GLIS3: variants seen among roughly 807,000 people sequenced by gnomAD.
The protein encoded by GLIS3 is GLIS family zinc finger 3.
GLIS3 carries 53 observed loss-of-function variants against 78.6 expected under a neutral mutation model. That is an observed-to-expected ratio of 0.67 (90% CI 0.54 to 0.85). GLIS3 has a LOEUF of 0.85. Among genes scored for constraint, GLIS3 ranks in the 40% least tolerant of loss-of-function variants. The pLI, the probability that GLIS3 is intolerant of heterozygous loss-of-function variation, is 0.00. For synonymous variants in GLIS3, 684 were observed against 509.9 expected, an observed-to-expected ratio of 1.34 and a Z score of -4.60; for missense variants, 1,703 against 1,231.1, an observed-to-expected ratio of 1.38 and a Z score of -5.74.
At chr9:4,367,405 C>G in the GLIS3 span, among the ~76,000 whole-genome samples, 1 of 152,070 alleles carries the variant, frequency 6.6e-6, no homozygotes, top group African/African-American at 2.4e-5. Context: ...CATCACCTTC[C>G]GGAGGCCTTC....
At position 3,932,294 on chromosome 9, in the gene GLIS3, C is replaced by T. The variant is rs112951530; in HGVS notation, c.1983+66G>A. The stretch of plus-strand genomic sequence containing the variant: ...AAGAATTTCAAGTGCCCTGCAGAAG[C>T]TTCGTGTACTACAAGAATAATCTGA... On this transcript the variant is annotated intron_variant, in intron 6 of 10. Coordinates refer to ENST00000381971, the MANE Select transcript of GLIS3 (RefSeq NM_001042413.2). The T allele has an allele frequency of 9.6e-6, 12 of 1,246,676 alleles. 1 individual carries two copies. Among genetic ancestry groups the T allele is most frequent in the African/African-American group, 3.0e-5 (2 of 67,630 alleles). The allele number at this position is 1,246,676 out of a possible 1,614,324, so 77.2% of individuals were successfully genotyped here.
chr9:4,178,923 G>C (rs1455558659), intron 2 of GLIS3, among the ~76,000 whole-genome samples: 1 of 152,104 alleles, frequency 6.6e-6, no homozygotes, highest in African/African-American at 2.4e-5. Context: ...TATTATTTGG[G>C]TTTTATTTTA....
intron 8 of GLIS3, among the ~76,000 whole-genome samples, chr9:3,873,775 C>A (rs1356220662): frequency 6.6e-6 from 1 of 152,116 alleles, no homozygotes; most frequent in Non-Finnish European, 1.5e-5. Context: ...TCTAGCAATG[C>A]TATATCTGAA....
At chr9:4,381,455 G>A in the GLIS3 span, among the ~76,000 whole-genome samples, 6,462 of 152,152 alleles carry the variant, frequency 0.042, 445 homozygotes, top group African/African-American at 0.14. Context: ...CCAACCGGAC[G>A]GACAAATGGA....
intron 2 of GLIS3, among the ~76,000 whole-genome samples, chr9:4,278,941 T>C (rs372884407): frequency 6.6e-6 from 1 of 152,118 alleles, no homozygotes; most frequent in African/African-American, 2.4e-5. Context: ...TTAACCTGAA[T>C]CCAATCATGA....
At position 4,124,292 on chromosome 9, in the gene GLIS3, G is replaced by A. The variant is rs545670904; in HGVS notation, c.596+1442C>T. ...TTGTCTTTTAAGGTTATAAAATTAT[G>A]CTAAGGAATCAAATATGCCAGAAAA... On this transcript the variant is annotated intron_variant, in intron 3 of 10. Transcript: ENST00000381971. Among the ~76,000 whole-genome samples, 5 of 152,282 alleles carry A rather than the reference G, an allele frequency of 3.3e-5. No homozygotes were observed. In the East Asian group the frequency reaches 7.7e-4, roughly 23 times the overall value.
At chr9:3,883,110 CTG>C (rs1183863792) in intron 7 of GLIS3, among the ~76,000 whole-genome samples, 1 of 152,212 alleles carries the variant, frequency 6.6e-6, no homozygotes, top group Non-Finnish European at 1.5e-5. Context: ...GGACAACACT[CTG>C]GAGTCAGAGA....
At chr9:3,928,860 G>C (rs1362575874) in intron 6 of GLIS3, among the ~76,000 whole-genome samples, 2 of 152,176 alleles carry the variant, frequency 1.3e-5, no homozygotes, top group Non-Finnish European at 2.9e-5. Context: ...TGAAATGGAT[G>C]AAAGATTCAT....
chr9:4,071,247 TG>T (rs1246541518), intron 4 of GLIS3: 3 of 152,190 alleles, frequency 2.0e-5, no homozygotes, highest in Non-Finnish European at 4.4e-5. Context: ...ATAACTGTTA[TG>T]TAACCATTGG....
chr9:4,343,668 G>A (rs984692640), intron 2 of GLIS3, among the ~76,000 whole-genome samples: 4 of 152,248 alleles, frequency 2.6e-5, no homozygotes, highest in African/African-American at 9.6e-5. Context: ...CAACCTAAAT[G>A]CCCACCAACG....
chr9:4,154,253 C>T (rs571349087), intron 2 of GLIS3, among the ~76,000 whole-genome samples: 16 of 152,138 alleles, frequency 1.1e-4, no homozygotes, highest in Non-Finnish European at 1.8e-4. Flanking sequence ...GAAATAGACT[C>T]CATCTCTTGA....
At chr9:3,839,942 C>T (rs1476505726) in intron 9 of GLIS3, among the ~76,000 whole-genome samples, 1 of 152,188 alleles carries the variant, frequency 6.6e-6, no homozygotes, top group East Asian at 1.9e-4. Flanking sequence ...AGAAATTTCT[C>T]ATGGCCAATT....
At chr9:4,217,108 G>T (rs932728868) in intron 2 of GLIS3, among the ~76,000 whole-genome samples, 2 of 152,094 alleles carry the variant, frequency 1.3e-5, no homozygotes, top group African/African-American at 4.8e-5. Flanking sequence ...CCATGCCCAA[G>T]GAACAATTAA....
chr9:3,914,314 T>G (rs1316286930), intron 6 of GLIS3, among the ~76,000 whole-genome samples: 2 of 124,182 alleles, frequency 1.6e-5, no homozygotes, highest in Admixed American at 2.0e-4. Context: ...TCTGGCTAAG[T>G]TTTTTCAGAT....
chr9:4,351,184 A>T (rs1002123488), upstream of GLIS3, among the ~76,000 whole-genome samples: 3 of 152,178 alleles, frequency 2.0e-5, no homozygotes, highest in African/African-American at 7.2e-5. Flanking sequence ...TGGAGGTTGC[A>T]GTGAGCCAAG....
chr9:3,896,625 C>T (rs1588171891), intron 7 of GLIS3, among the ~76,000 whole-genome samples: 1 of 120,170 alleles, frequency 8.3e-6, no homozygotes, highest in Non-Finnish European at 1.6e-5. Context: ...GAGATGGTGC[C>T]ACTGCAGTCC....
chr9:4,367,209 T>C, the GLIS3 span, among the ~76,000 whole-genome samples: 8 of 152,236 alleles, frequency 5.3e-5, no homozygotes, highest in African/African-American at 1.9e-4. Context: ...GCATATACCC[T>C]GCCCACTCTC....
the GLIS3 span, among the ~76,000 whole-genome samples, chr9:4,386,007 T>C: frequency 2.0e-4 from 30 of 152,346 alleles, no homozygotes; most frequent in African/African-American, 6.5e-4. Context: ...CATCTATTTA[T>C]GGCATCTTTG....
the GLIS3 span, among the ~76,000 whole-genome samples, chr9:4,444,693 C>A: frequency 2.0e-5 from 3 of 152,180 alleles, no homozygotes; most frequent in Non-Finnish European, 4.4e-5. Flanking sequence ...ATATGAAGAG[C>A]CAAAGCCCCT....
Sources: gnomAD v4.1 joint callset for allele counts (sites outside exome capture counted in the v4.1 genomes callset) on GRCh38, gnomAD v4.1.1 for gene constraint, MANE v1.5 for transcripts, NCBI Gene and HGNC (gene_info 2026-07-23, HGNC 2026-07-21) for gene names.